KCNIP4: variants seen among roughly 807,000 people sequenced by gnomAD.
The protein encoded by KCNIP4 is potassium voltage-gated channel interacting protein 4, also known as Kv channel-interacting protein 4.
KCNIP4 carries 12 observed loss-of-function variants against 34.0 expected under a neutral mutation model. The observed-to-expected ratio is 0.35, with a 90% CI of 0.23 to 0.57. The LOEUF (loss-of-function observed/expected upper bound fraction) is 0.57, where lower values mean the gene tolerates loss of function less well. Among genes scored for constraint, KCNIP4 ranks in the 20% least tolerant of loss-of-function variants. KCNIP4 has a pLI of 0.83. For missense variants in KCNIP4, 238 were observed against 311.7 expected, an observed-to-expected ratio of 0.76 and a Z score of 1.78; for synonymous variants, 124 against 102.2, an observed-to-expected ratio of 1.21 and a Z score of -1.29.
intron 1 of KCNIP4, chr4:21,847,289 T>C (rs1724079130): frequency 6.6e-6 from 1 of 152,104 alleles, no homozygotes. Flanking sequence ...CGCTATCCCC[T>C]AGGGGTATTT....
intron 1 of KCNIP4, among the ~76,000 whole-genome samples, chr4:21,863,563 G>A: frequency 6.6e-6 from 1 of 152,264 alleles, no homozygotes; most frequent in Admixed American, 6.5e-5. Context: ...AAGGAAGAGA[G>A]GCACAGAACA....
At chr4:21,856,339 A>G (rs568457923) in intron 1 of KCNIP4, among the ~76,000 whole-genome samples, 7 of 152,262 alleles carry the variant, frequency 4.6e-5, no homozygotes, top group Non-Finnish European at 8.8e-5. Flanking sequence ...GGGTTCCTGT[A>G]GATGAATATA....
At chr4:21,104,695 CTA>C (rs1748323849) in intron 1 of KCNIP4, among the ~76,000 whole-genome samples, 1 of 150,252 alleles carries the variant, frequency 6.7e-6, no homozygotes, top group African/African-American at 2.5e-5. Flanking sequence ...ATATTATTGC[CTA>C]TGTTTTCTTC....
chr4:21,535,550 A>G (rs1737086428), intron 1 of KCNIP4, among the ~76,000 whole-genome samples: 2 of 152,154 alleles, frequency 1.3e-5, no homozygotes, highest in Non-Finnish European at 2.9e-5. Context: ...GATTTAAGCT[A>G]GCAACGACAA....
intron 1 of KCNIP4, among the ~76,000 whole-genome samples, chr4:21,722,869 G>A (rs962495486): frequency 1.1e-4 from 17 of 151,992 alleles, no homozygotes; most frequent in African/African-American, 2.9e-4. Flanking sequence ...TAACTATTGC[G>A]ACTATATATG....
At chr4:21,391,420 T>C (rs958883134) in intron 1 of KCNIP4, among the ~76,000 whole-genome samples, 1 of 152,194 alleles carries the variant, frequency 6.6e-6, no homozygotes, top group African/African-American at 2.4e-5. Context: ...AATTTTTTGA[T>C]GCTAGGTGGC....
intron 1 of KCNIP4, among the ~76,000 whole-genome samples, chr4:21,370,840 TATATATATATACAC>T (rs1366940387): frequency 4.9e-4 from 14 of 28,436 alleles, no homozygotes; most frequent in African/African-American, 6.0e-4. Flanking sequence ...TATATATATA[TATATATATATACAC>T]ACACACACAC....
At chr4:21,491,716 T>C (rs914158947) in intron 1 of KCNIP4, among the ~76,000 whole-genome samples, 1 of 152,150 alleles carries the variant, frequency 6.6e-6, no homozygotes, top group South Asian at 2.1e-4. Flanking sequence ...CCAGAAACAC[T>C]TTTGTTCTGA....
chr4:21,769,487 G>T (rs13141904), intron 1 of KCNIP4, among the ~76,000 whole-genome samples: 37,893 of 151,964 alleles, frequency 0.25, 8,128 homozygotes, highest in African/African-American at 0.59. Context: ...TCCTTCATGT[G>T]GTTTGCCTGT....
chr4:21,713,358 G>A (rs1395928310), intron 1 of KCNIP4, among the ~76,000 whole-genome samples: 4 of 152,090 alleles, frequency 2.6e-5, no homozygotes, highest in Admixed American at 6.5e-5. Context: ...AAGGACCATG[G>A]CACATCTTCT....
chr4:21,080,029 T>G (rs1302453452), intron 1 of KCNIP4, among the ~76,000 whole-genome samples: 15 of 151,914 alleles, frequency 9.9e-5, no homozygotes, highest in Admixed American at 9.2e-4. Context: ...AAATTTGTGC[T>G]GTTTTAAGCC....
intron 1 of KCNIP4, among the ~76,000 whole-genome samples, chr4:21,194,097 G>T (rs747377543): frequency 6.6e-6 from 1 of 152,110 alleles, no homozygotes; most frequent in Non-Finnish European, 1.5e-5. Flanking sequence ...TTTTACAAAT[G>T]TTGCTTTATC....
intron 1 of KCNIP4, among the ~76,000 whole-genome samples, chr4:21,784,092 T>C (rs528798629): frequency 2.4e-4 from 31 of 128,784 alleles, no homozygotes; most frequent in African/African-American, 7.8e-4. Flanking sequence ...CTTACAATCA[T>C]GGCAGAAGGC....
chr4:20,904,862 C>A (rs1727557570), intron 1 of KCNIP4, among the ~76,000 whole-genome samples: 1 of 151,844 alleles, frequency 6.6e-6, no homozygotes, highest in African/African-American at 2.4e-5. Context: ...GAGGATGTAG[C>A]AGTAAAGAAA....
chr4:20,937,222 C>CTTTTTTTTTTT (rs397992488), intron 1 of KCNIP4, among the ~76,000 whole-genome samples: 3 of 45,524 alleles, frequency 6.6e-5, no homozygotes, highest in Non-Finnish European at 4.3e-5. Flanking sequence ...CCCAAGGAGT[C>CTTTTTTTTTTT]TTTTTTTTTT....
chr4:21,171,439 G>T (rs893638609), intron 1 of KCNIP4, among the ~76,000 whole-genome samples: 2 of 152,296 alleles, frequency 1.3e-5, no homozygotes, highest in Admixed American at 6.5e-5. Context: ...CTGTACCCAA[G>T]AATTCATCCT....
At chr4:21,394,476 A>G (rs994528024) in intron 1 of KCNIP4, among the ~76,000 whole-genome samples, 1 of 152,142 alleles carries the variant, frequency 6.6e-6, no homozygotes, top group South Asian at 2.1e-4. Context: ...AAAATCAATC[A>G]TGGCCAGTCA....
chr4:21,470,423 T>G, intron 1 of KCNIP4, among the ~76,000 whole-genome samples: 1 of 118,810 alleles, frequency 8.4e-6, no homozygotes, highest in South Asian at 2.9e-4. Flanking sequence ...GTACTTTAAC[T>G]TGTTCACAAT....
chr4:21,776,310 A>G (rs1719174546), intron 1 of KCNIP4, among the ~76,000 whole-genome samples: 2 of 152,080 alleles, frequency 1.3e-5, no homozygotes, highest in Non-Finnish European at 2.9e-5. Flanking sequence ...GTTGCTGGTG[A>G]AGAATTCACA....
Sources: gnomAD v4.1 joint callset for allele counts (sites outside exome capture counted in the v4.1 genomes callset) on GRCh38, gnomAD v4.1.1 for gene constraint, MANE v1.5 for transcripts, NCBI Gene and HGNC (gene_info 2026-07-23, HGNC 2026-07-21) for gene names.